DCTN4: variants seen among roughly 807,000 people sequenced by gnomAD.
DCTN4 encodes the protein dynactin subunit 4.
In DCTN4, 23 loss-of-function variants were observed where a neutral mutation model predicts 62.7. The observed-to-expected ratio is 0.37, with a 90% CI of 0.26 to 0.52. The LOEUF (loss-of-function observed/expected upper bound fraction) is 0.52, where lower values mean the gene tolerates loss of function less well. DCTN4 is among the 20% of genes least tolerant of loss of function. The pLI, the probability that DCTN4 is intolerant of heterozygous loss-of-function variation, is 0.92. For missense variants in DCTN4, 514 were observed against 580.4 expected, an observed-to-expected ratio of 0.89 and a Z score of 1.18; for synonymous variants, 199 against 202.1, an observed-to-expected ratio of 0.98 and a Z score of 0.13.
chr5:150,731,650 C>A, intron 5 of DCTN4, 161 bp from the exon 6 acceptor site: 1 of 643,794 alleles, frequency 1.6e-6, no homozygotes, highest in Non-Finnish European at 2.7e-6. Flanking sequence ...TGTAGCCCCA[C>A]ATCATTATTC....
At chr5:150,745,001 G>C (rs1215982603) in intron 3 of DCTN4, among the ~76,000 whole-genome samples, 1 of 150,664 alleles carries the variant, frequency 6.6e-6, no homozygotes, top group East Asian at 2.0e-4. Flanking sequence ...CTGGCAAATT[G>C]GATAAAGAGT....
intron 8 of DCTN4, 52 bp from the exon 9 acceptor site, chr5:150,723,032 T>C (rs759380044): frequency 7.4e-7 from 1 of 1,348,728 alleles, no homozygotes; most frequent in South Asian, 1.2e-5. Context: ...CACACTTTGT[T>C]GATCCATAGA....
intron 8 of DCTN4, among the ~76,000 whole-genome samples, chr5:150,727,670 G>C (rs2113034926): frequency 6.6e-6 from 1 of 151,180 alleles, no homozygotes; most frequent in Admixed American, 6.6e-5. Context: ...CAGCTACTCG[G>C]GAGGCTGAGG....
chr5:150,728,997 C>CCTCCTGA (rs1760255151), intron 8 of DCTN4, among the ~76,000 whole-genome samples: 1 of 148,240 alleles, frequency 6.7e-6, no homozygotes, highest in Non-Finnish European at 1.5e-5. Flanking sequence ...CCTGCCTCAG[C>CCTCCTGA]CTCCTGACTT....
intron 4 of DCTN4, among the ~76,000 whole-genome samples, chr5:150,738,745 T>C (rs1420677387): frequency 2.6e-5 from 4 of 152,168 alleles, no homozygotes; most frequent in Admixed American, 2.6e-4. Context: ...AACACAGTAC[T>C]GGAAGTCTTA....
intron 3 of DCTN4, among the ~76,000 whole-genome samples, chr5:150,748,195 A>G (rs1440567970): frequency 6.6e-6 from 1 of 151,502 alleles, no homozygotes; most frequent in Non-Finnish European, 1.5e-5. Context: ...AATGCTCATC[A>G]TCACTGGCCA....
At chr5:150,738,030 T>G (rs550579520) in intron 4 of DCTN4, among the ~76,000 whole-genome samples, 1 of 152,000 alleles carries the variant, frequency 6.6e-6, no homozygotes, top group Non-Finnish European at 1.5e-5. Context: ...GATGGATAAA[T>G]TCCTGGAAAT....
intron 4 of DCTN4, 91 bp from the exon 5 acceptor site, chr5:150,733,566 G>C (rs1468768513): frequency 7.3e-6 from 6 of 817,190 alleles, no homozygotes; most frequent in Non-Finnish European, 1.1e-5. Context: ...ATAATGAATA[G>C]AGAAGACAAA....
At chr5:150,753,726 TAA>T in intron 2 of DCTN4, 69 bp from the exon 3 acceptor site, 1 of 1,471,652 alleles carries the variant, frequency 6.8e-7, no homozygotes, top group Non-Finnish European at 9.2e-7. Context: ...AGAACAAATA[TAA>T]GGACAAGTGT....
At chr5:150,736,517 T>C (rs2113080447) in intron 4 of DCTN4, among the ~76,000 whole-genome samples, 1 of 152,344 alleles carries the variant, frequency 6.6e-6, no homozygotes, top group East Asian at 1.9e-4. Context: ...CTAAGCTTTG[T>C]AAATGAATGA....
At chr5:150,735,953 AT>A (rs1200830450) in intron 4 of DCTN4, among the ~76,000 whole-genome samples, 159 of 151,902 alleles carry the variant, frequency 1.0e-3, no homozygotes, top group African/African-American at 3.7e-3. Flanking sequence ...GACAAAAAAA[AT>A]CTCCAGAGAA....
chr5:150,740,593 C>T (rs1760732063), intron 4 of DCTN4, among the ~76,000 whole-genome samples: 1 of 152,162 alleles, frequency 6.6e-6, no homozygotes, highest in Non-Finnish European at 1.5e-5. Context: ...GAAAAAGACA[C>T]TTGCCTGCAC....
At position 150,758,986 on chromosome 5, in the gene DCTN4, G is replaced by A. The variant is rs780456084; in HGVS notation, c.8C>T (p.Ser3Phe). 5 of 1,613,872 alleles carry A rather than the reference G, an allele frequency of 3.1e-6. No individual in the cohort carries two copies. Among genetic ancestry groups the A allele is most frequent in the Non-Finnish European group, 4.2e-6 (5 of 1,179,888 alleles). ...GAGAACCCGGTCCGACTGCAGCAAGGACGCCATCTTGGGGAGGGAGGAGGC... is the reference window on the plus strand; with the variant it reads ...GAGAACCCGGTCCGACTGCAGCAAGAACGCCATCTTGGGGAGGGAGGAGGC... MA[S>F]LLQSDRVLYL... Residue 3 changes from serine (S) to phenylalanine (F), a missense_variant, in exon 1 of 13, where the codon TCC becomes TTC. Ser to Phe is a radical substitution (Grantham distance 155). Coordinates refer to ENST00000447998, the MANE Select transcript of DCTN4 (RefSeq NM_016221.4).
chr5:150,717,973 A>T (rs1459392553), intron 11 of DCTN4, among the ~76,000 whole-genome samples: 2 of 152,242 alleles, frequency 1.3e-5, no homozygotes, highest in African/African-American at 4.8e-5. Flanking sequence ...CAGCATGCAC[A>T]GAGTTAGATT....
At position 150,759,008 on chromosome 5, in the gene DCTN4, A is replaced by C; in HGVS notation, c.-15T>G. The C allele has an allele frequency of 6.2e-7, 1 of 1,612,060 alleles. No individual in the cohort carries two copies. The highest frequency in any genetic ancestry group is 8.5e-7 in the Non-Finnish European group (1 of 1,178,516). ...AAGGACGCCATCTTGGGGAGGGAGG[A>C]GGCGATGACGCTCCCGGCGCATCAC... On this transcript the variant is annotated 5_prime_UTR_variant, in exon 1 of 13. Coordinates refer to ENST00000447998, the MANE Select transcript of DCTN4 (RefSeq NM_016221.4).
rs34563815 is a variant in DCTN4, at chr5:150,719,764, A to G, written c.915T>C (p.Tyr305=). 1,627 of 1,606,584 alleles carry G rather than the reference A, an allele frequency of 1.0e-3. 17 individuals carry two copies. The African/African-American group carries it at 0.02, about 20-fold the overall frequency. Residue 305 remains tyrosine, a synonymous_variant, in exon 10 of 13, where the codon TAT becomes TAC. Coordinates refer to ENST00000447998, the MANE Select transcript of DCTN4 (RefSeq NM_016221.4). ...KFKIQLVAVN[Y]IPEVRIMSIP... is the part of the protein sequence containing the mutation. ...TTGACATGATTCTCACTTCTGGAAT[A>G]TAATTGCTGTGCATAAATAAAAAAA...
At chr5:150,717,732 G>A (rs566537091) in intron 11 of DCTN4, among the ~76,000 whole-genome samples, 24 of 152,338 alleles carry the variant, frequency 1.6e-4, no homozygotes, top group Admixed American at 8.5e-4. Flanking sequence ...AGGATAGGAA[G>A]GAGGCATGCT....
chr5:150,753,530 C>T lies in DCTN4; in HGVS notation c.334G>A (p.Gly112Arg). 2 of 1,614,162 alleles carry T rather than the reference C, an allele frequency of 1.2e-6. No individual in the cohort carries two copies. The highest frequency in any genetic ancestry group is 1.7e-6 in the Non-Finnish European group (2 of 1,180,016). ...TCTCTAGACGTCCAGCGACAAAATC[C>T]ACATGCCAGGTAATAGGCTTTCTTC... Reference protein sequence around the residue: ...TMKKAYYLACGFCRWTSRDVG... With the variant: ...TMKKAYYLACRFCRWTSRDVG... Residue 112 changes from glycine to arginine, a missense_variant, in exon 3 of 13, where the codon GGA (glycine) becomes AGA (arginine). Gly to Arg is a moderately radical substitution (Grantham distance 125). Transcript: ENST00000447998.
chr5:150,731,918 C>T, intron 5 of DCTN4: 4 of 1,551,514 alleles, frequency 2.6e-6, no homozygotes, highest in Non-Finnish European at 2.6e-6. Context: ...TGTAGAGCCC[C>T]AAAATAGCAG....
Sources: gnomAD v4.1 joint callset for allele counts (sites outside exome capture counted in the v4.1 genomes callset) on GRCh38, gnomAD v4.1.1 for gene constraint, MANE v1.5 for transcripts, NCBI Gene and HGNC (gene_info 2026-07-23, HGNC 2026-07-21) for gene names.